Variants in PDE4D observed in about 807,000 individuals in gnomAD.
PDE4D encodes the protein phosphodiesterase 4D.
Under a neutral mutation model 87.4 loss-of-function variants are expected in PDE4D, and 24 were observed. That is an observed-to-expected ratio of 0.27 (90% CI 0.20 to 0.39). The LOEUF (loss-of-function observed/expected upper bound fraction) is 0.39, where lower values mean the gene tolerates loss of function less well. PDE4D is among the 10% of genes least tolerant of loss of function. PDE4D has a pLI of 1.00. For missense variants in PDE4D, 714 were observed against 1,041.0 expected (o/e 0.69, Z 4.32); for synonymous variants, 384 against 383.2 (o/e 1.00, Z -0.02).
At chr5:60,208,070 T>C (rs765497788) in intron 1 of PDE4D, among the ~76,000 whole-genome samples, 2 of 152,256 alleles carry the variant, frequency 1.3e-5, no homozygotes, top group Non-Finnish European at 2.9e-5. Flanking sequence ...AATACAGCAG[T>C]GAACAAAAAG....
intron 1 of PDE4D, among the ~76,000 whole-genome samples, chr5:59,823,493 C>T (rs1232887290): frequency 1.3e-5 from 2 of 152,296 alleles, no homozygotes; most frequent in East Asian, 3.9e-4. Flanking sequence ...GGCAGCCTCT[C>T]CTTTCCCCCA....
intron 1 of PDE4D, among the ~76,000 whole-genome samples, chr5:60,451,899 C>T (rs927360461): frequency 1.3e-4 from 20 of 151,886 alleles, no homozygotes; most frequent in African/African-American, 4.6e-4. Flanking sequence ...AGTTATGCTA[C>T]GTAAAAGTGA....
At chr5:59,587,345 TCTCA>T (rs991863532) in intron 1 of PDE4D, 10 of 629,194 alleles carry the variant, frequency 1.6e-5, no homozygotes, top group African/African-American at 2.0e-5. Context: ...TTTTTTCCTC[TCTCA>T]ATCTCTTTTG....
chr5:59,146,437 A>G (rs1778665107), intron 5 of PDE4D, among the ~76,000 whole-genome samples: 1 of 152,190 alleles, frequency 6.6e-6, no homozygotes, highest in African/African-American at 2.4e-5. Flanking sequence ...AATATTTTCA[A>G]TTAAAAAAAG....
chr5:60,033,157 T>C (rs1767427996), intron 2 of PDE4D: 1 of 152,174 alleles, frequency 6.6e-6, no homozygotes, highest in Non-Finnish European at 1.5e-5. Context: ...GTAAAGTATC[T>C]CAGCTTTCAT....
At chr5:60,367,116 G>A (rs1399979073) in intron 1 of PDE4D, among the ~76,000 whole-genome samples, 1 of 152,128 alleles carries the variant, frequency 6.6e-6, no homozygotes, top group Admixed American at 6.5e-5. Flanking sequence ...GTTGTTGGGA[G>A]ATAAAAAGCA....
intron 1 of PDE4D, among the ~76,000 whole-genome samples, chr5:59,376,964 A>T (rs186875440): frequency 6.6e-6 from 1 of 152,324 alleles, no homozygotes; most frequent in African/African-American, 2.4e-5. Flanking sequence ...AATGATGCTG[A>T]GATAGCTGGC....
chr5:59,224,538 C>T (rs1753313524), intron 1 of PDE4D, among the ~76,000 whole-genome samples: 1 of 152,064 alleles, frequency 6.6e-6, no homozygotes, highest in African/African-American at 2.4e-5. Context: ...ACTTTTGACA[C>T]AATGATATGA....
intron 1 of PDE4D, among the ~76,000 whole-genome samples, chr5:59,712,816 T>C (rs972443186): frequency 6.6e-6 from 1 of 152,114 alleles, no homozygotes; most frequent in Non-Finnish European, 1.5e-5. Flanking sequence ...GTGGACAAGG[T>C]TGTCACATTT....
chr5:59,300,608 A>AT (rs888484111), intron 1 of PDE4D, among the ~76,000 whole-genome samples: 23 of 152,226 alleles, frequency 1.5e-4, no homozygotes, highest in African/African-American at 5.3e-4. Context: ...CCCTGATGGC[A>AT]TTTTTCCTCT....
intron 3 of PDE4D, among the ~76,000 whole-genome samples, chr5:59,903,794 C>T (rs1159850418): frequency 6.6e-6 from 1 of 152,160 alleles, no homozygotes; most frequent in African/African-American, 2.4e-5. Context: ...ATACTTCAGG[C>T]CAGTGTTCCC....
intron 1 of PDE4D, among the ~76,000 whole-genome samples, chr5:60,222,825 G>A (rs998438183): frequency 6.6e-6 from 1 of 151,978 alleles, no homozygotes; most frequent in Non-Finnish European, 1.5e-5. Context: ...ATTAACCATG[G>A]AACTTGGTAC....
intron 2 of PDE4D, among the ~76,000 whole-genome samples, chr5:60,162,100 T>TG (rs1782515274): frequency 6.6e-6 from 1 of 151,966 alleles, no homozygotes; most frequent in South Asian, 2.1e-4. Flanking sequence ...GGGAAAACAG[T>TG]GGGGGTGGGG....
chr5:60,431,174 AC>A, intron 1 of PDE4D: 2 of 179,398 alleles, frequency 1.1e-5, no homozygotes, highest in Admixed American at 6.7e-5. Flanking sequence ...CGGGGGGCTG[AC>A]CCCCCCACCT....
intron 1 of PDE4D, chr5:59,217,995 C>A (rs958748622): frequency 8.2e-6 from 4 of 488,058 alleles, no homozygotes; most frequent in Admixed American, 4.2e-5. Flanking sequence ...CTAACTCAGG[C>A]TGGGATATCT....
intron 1 of PDE4D, among the ~76,000 whole-genome samples, chr5:59,607,921 T>C (rs183659390): frequency 1.5e-3 from 228 of 152,238 alleles, no homozygotes; most frequent in African/African-American, 5.2e-3. Context: ...GATAAGGCTC[T>C]TTCAATAGCA....
intron 1 of PDE4D, among the ~76,000 whole-genome samples, chr5:59,803,349 A>AGTG (rs1767371738): frequency 6.9e-6 from 1 of 144,812 alleles, no homozygotes; most frequent in Non-Finnish European, 1.5e-5. Flanking sequence ...CCCAGGCTGG[A>AGTG]GTGCAGTGGC....
intron 1 of PDE4D, among the ~76,000 whole-genome samples, chr5:60,253,903 T>C (rs1748753253): frequency 6.6e-6 from 1 of 151,848 alleles, no homozygotes; most frequent in South Asian, 2.1e-4. Flanking sequence ...CAATGATAAA[T>C]TACCCACAGA....
intron 1 of PDE4D, among the ~76,000 whole-genome samples, chr5:59,798,238 CTCTA>C (rs200196154): frequency 1.4e-5 from 2 of 140,296 alleles, no homozygotes; most frequent in Non-Finnish European, 3.2e-5. Flanking sequence ...ATCTCTCTCT[CTCTA>C]TATATAAATG....
Sources: gnomAD v4.1 joint callset for allele counts (sites outside exome capture counted in the v4.1 genomes callset) on GRCh38, gnomAD v4.1.1 for gene constraint, MANE v1.5 for transcripts, NCBI Gene and HGNC (gene_info 2026-07-23, HGNC 2026-07-21) for gene names.